Variants in MEGF9 observed in about 807,000 individuals in gnomAD.
MEGF9 encodes multiple epidermal growth factor-like domains protein 9.
In MEGF9, 6 loss-of-function variants were observed where a neutral mutation model predicts 46.8. That is an observed-to-expected ratio of 0.13 (90% CI 0.07 to 0.25). The LOEUF (loss-of-function observed/expected upper bound fraction) is 0.25. MEGF9 is among the 10% of genes least tolerant of loss of function. MEGF9 has a pLI of 1.00. For synonymous variants in MEGF9, 302 were observed against 330.7 expected (o/e 0.91, Z 0.94); for missense variants, 683 against 792.4 (o/e 0.86, Z 1.66).
In MEGF9 at chr9:120,607,730, T is replaced by A. The variant is rs752286487; in HGVS notation, c.1357+11A>T. On this transcript the variant is annotated intron_variant, in intron 5 of 5. Coordinates refer to ENST00000373930, the MANE Select transcript of MEGF9 (RefSeq NM_001080497.3). ...GATATTAAATTTACAATCACTTAGG[T>A]GAAGTTTTACCTTTCTTGATGCAAT... is the stretch of plus-strand genomic sequence containing the variant. 6.2e-7 allele frequency: 1 copy of A among 1,606,430 alleles called. No individual in the cohort carries two copies. The highest frequency in any genetic ancestry group is 1.1e-5 in the South Asian group (1 of 90,982).
At chr9:120,645,661 G>A (rs901887233) in intron 2 of MEGF9, among the ~76,000 whole-genome samples, 1 of 152,082 alleles carries the variant, frequency 6.6e-6, no homozygotes, top group Admixed American at 6.6e-5. Context: ...GGCATATGAG[G>A]GCCAGAGCAA....
chr9:120,641,151 T>C (rs979122077), intron 2 of MEGF9, among the ~76,000 whole-genome samples: 1 of 152,190 alleles, frequency 6.6e-6, no homozygotes, highest in South Asian at 2.1e-4. Context: ...CTATTGTGAA[T>C]AGCATGCACT....
chr9:120,705,915 AC>A (rs1289468696), intron 1 of MEGF9, among the ~76,000 whole-genome samples: 1 of 152,162 alleles, frequency 6.6e-6, no homozygotes, highest in East Asian at 1.9e-4. Context: ...TTTATATCAC[AC>A]CTAAAAAAAA....
In MEGF9 at chr9:120,604,401, TG is replaced by T. The variant is rs1450262099; in HGVS notation, c.*788del. On this transcript the variant is annotated 3_prime_UTR_variant, in exon 6 of 6. Transcript: ENST00000373930. Reference sequence around the variant, plus strand: ...AAATTCCAGATGATAAAATATGACATGATTTTTTTTTTACAAATAGATACAA... The same window carrying T: ...AAATTCCAGATGATAAAATATGACATATTTTTTTTTTACAAATAGATACAA... 7 of 152,438 alleles carry T rather than the reference TG, an allele frequency of 4.6e-5. No homozygotes were observed. Among genetic ancestry groups the T allele is most frequent in the African/African-American group, 1.5e-4 (6 of 41,296 alleles). 9.4% of individuals were successfully genotyped at this position (152,438 alleles called of 1,614,324 possible).
intron 2 of MEGF9, among the ~76,000 whole-genome samples, chr9:120,625,608 A>T (rs970999349): frequency 2.0e-5 from 3 of 151,830 alleles, no homozygotes; most frequent in Admixed American, 2.0e-4. Context: ...GGCTGAGGCG[A>T]GTGGATCACG....
chr9:120,639,809 C>A (rs2043594485), intron 2 of MEGF9, among the ~76,000 whole-genome samples: 1 of 151,794 alleles, frequency 6.6e-6, no homozygotes, highest in Admixed American at 6.6e-5. Context: ...TACATTTTGT[C>A]TTTCACATTT....
intron 1 of MEGF9, among the ~76,000 whole-genome samples, chr9:120,713,063 T>A (rs1289729542): frequency 6.6e-6 from 1 of 152,206 alleles, no homozygotes; most frequent in African/African-American, 2.4e-5. Context: ...ATGTTGACCT[T>A]ATAATTGTGG....
At chr9:120,632,424 C>A (rs2043554726) in intron 2 of MEGF9, among the ~76,000 whole-genome samples, 1 of 151,028 alleles carries the variant, frequency 6.6e-6, no homozygotes, top group African/African-American at 2.4e-5. Context: ...GTAAAAACAG[C>A]ACTGATTTTT....
chr9:120,639,601 ATTAC>A (rs1421959944), intron 2 of MEGF9, among the ~76,000 whole-genome samples: 1 of 151,930 alleles, frequency 6.6e-6, no homozygotes, highest in African/African-American at 2.4e-5. Context: ...CCTTAAATAA[ATTAC>A]TTAATCTCTT....
intron 1 of MEGF9, among the ~76,000 whole-genome samples, chr9:120,700,140 G>A (rs111699453): frequency 1.3e-5 from 2 of 152,204 alleles, no homozygotes; most frequent in African/African-American, 4.8e-5. Context: ...AAAAACCTTT[G>A]GTGACTGGAA....
chr9:120,710,361 T>C (rs1306638914), intron 1 of MEGF9, among the ~76,000 whole-genome samples: 1 of 145,836 alleles, frequency 6.9e-6, no homozygotes, highest in Non-Finnish European at 1.5e-5. Context: ...GAGGTGGAGG[T>C]TGTGGTGAGC....
chr9:120,681,216 G>A (rs1171094214), intron 1 of MEGF9, among the ~76,000 whole-genome samples: 1 of 145,990 alleles, frequency 6.8e-6, no homozygotes, highest in East Asian at 2.1e-4. Context: ...TGGTTATTCA[G>A]GGCCCAAGGG....
intron 1 of MEGF9, among the ~76,000 whole-genome samples, chr9:120,710,031 T>TAAAA (rs2043946186): frequency 2.1e-5 from 1 of 46,744 alleles, no homozygotes; most frequent in Non-Finnish European, 4.4e-5. Context: ...AAACTCCGTC[T>TAAAA]CAAAAAAAAA....
intron 1 of MEGF9, among the ~76,000 whole-genome samples, chr9:120,690,202 T>C (rs572614350): frequency 1.3e-5 from 2 of 152,042 alleles, no homozygotes; most frequent in Non-Finnish European, 1.5e-5. Flanking sequence ...ATACAAAACT[T>C]TGGGGAAATT....
intron 1 of MEGF9, among the ~76,000 whole-genome samples, chr9:120,675,477 C>A (rs1587992123): frequency 6.6e-6 from 1 of 151,954 alleles, no homozygotes; most frequent in African/African-American, 2.4e-5. Flanking sequence ...CCTGTGGTTC[C>A]AGCTATACAG....
intron 2 of MEGF9, among the ~76,000 whole-genome samples, chr9:120,625,344 T>C (rs2043519278): frequency 6.6e-6 from 1 of 152,134 alleles, no homozygotes; most frequent in African/African-American, 2.4e-5. Context: ...TCCCTAAGTA[T>C]TCAGGGATTA....
intron 4 of MEGF9, among the ~76,000 whole-genome samples, chr9:120,611,776 TAAAC>T (rs2043446173): frequency 6.9e-6 from 1 of 144,740 alleles, no homozygotes; most frequent in Non-Finnish European, 1.5e-5. Context: ...AGCTATTATT[TAAAC>T]AGACAGGGAG....
chr9:120,605,175 A>G lies in MEGF9; in HGVS notation c.*15T>C, dbSNP rs1225262573. 1 of 1,599,682 alleles carries G rather than the reference A, an allele frequency of 6.3e-7. No homozygotes were observed. The highest frequency in any genetic ancestry group is 1.3e-5 in the African/African-American group (1 of 74,538). ...CAAGCACTGTGGTTTAACAATTCAGAACAGTTCTAGCTCCTTAGGCTTTGT... is the reference window on the plus strand; with the variant it reads ...CAAGCACTGTGGTTTAACAATTCAGGACAGTTCTAGCTCCTTAGGCTTTGT... On this transcript the variant is annotated 3_prime_UTR_variant, in exon 6 of 6. Coordinates refer to ENST00000373930, the MANE Select transcript of MEGF9 (RefSeq NM_001080497.3). This position sits in a 1 kb window ranked among gnomAD's most constrained non-coding sequence, Gnocchi z 4.0.
At chr9:120,691,474 C>T (rs1012192681) in intron 1 of MEGF9, 1 of 456,696 alleles carries the variant, frequency 2.2e-6, no homozygotes, top group South Asian at 1.7e-5. Context: ...CCACTGATGC[C>T]CTGAACAAGA....
Sources: gnomAD v4.1 joint callset for allele counts (sites outside exome capture counted in the v4.1 genomes callset) on GRCh38, gnomAD v4.1.1 for gene constraint, Gnocchi (gnomAD v3.1) non-coding constraint, MANE v1.5 for transcripts, NCBI Gene and HGNC (gene_info 2026-07-23, HGNC 2026-07-21) for gene names.